Variants in N4BP2 observed in about 807,000 individuals in gnomAD.
N4BP2 encodes the protein NEDD4 binding protein 2.
Under a neutral mutation model 152.8 loss-of-function variants are expected in N4BP2, and 91 were observed. That is an observed-to-expected ratio of 0.60 (90% CI 0.50 to 0.71). The LOEUF is 0.71. Among genes scored for constraint, N4BP2 ranks in the 30% least tolerant of loss-of-function variants. The pLI is 0.00. For missense variants in N4BP2, 1,923 were observed against 2,059.1 expected, an observed-to-expected ratio of 0.93 and a Z score of 1.28; for synonymous variants, 646 against 705.3, an observed-to-expected ratio of 0.92 and a Z score of 1.33.
intron 2 of N4BP2, among the ~76,000 whole-genome samples, chr4:40,094,108 G>A (rs1396797761): frequency 1.3e-5 from 2 of 152,058 alleles, no homozygotes; most frequent in Admixed American, 6.6e-5. Flanking sequence ...AAATTTTTTC[G>A]AGACTTCATC....
chr4:40,174,045 A>G, the N4BP2 span, among the ~76,000 whole-genome samples: 1 of 152,234 alleles, frequency 6.6e-6, no homozygotes, highest in Non-Finnish European at 1.5e-5. Context: ...TGAAGTCTTT[A>G]TTAATCTCAT....
At position 40,103,094 on chromosome 4, in the gene N4BP2, A is replaced by G. The variant is rs756001144; in HGVS notation, c.1249A>G (p.Thr417Ala). 6.1e-5 allele frequency: 99 copies of G among 1,614,130 alleles called. No individual in the cohort carries two copies. The highest frequency in any genetic ancestry group is 8.3e-5 in the Non-Finnish European group (98 of 1,180,056). The change falls in exon 4 of 18, where the codon ACA becomes GCA. Residue 417 changes from threonine to alanine, a missense_variant. By Grantham distance (58) the Thr-to-Ala change is moderately conservative. Transcript: ENST00000261435. ...AAAAGTATGGAGAAATAAAGATGGA[A>G]CAAGTGCTTATCAAGTACAAGAAAC... ...PTKVWRNKDG[T>A]SAYQVQETPV...
At chr4:40,109,497 C>T (rs1812396) in intron 5 of N4BP2, among the ~76,000 whole-genome samples, 26,859 of 152,074 alleles carry the variant, frequency 0.18, 3,084 homozygotes, top group Admixed American at 0.26. Context: ...GCAGATGGAT[C>T]ACCTGAGGTC....
chr4:40,114,560 C>T (rs1168236340), intron 7 of N4BP2, among the ~76,000 whole-genome samples: 1 of 152,204 alleles, frequency 6.6e-6, no homozygotes, highest in Non-Finnish European at 1.5e-5. Flanking sequence ...GTCACTACTT[C>T]CTTTTCATTT....
chr4:40,148,869 C>T (rs932721730), intron 16 of N4BP2, among the ~76,000 whole-genome samples: 20 of 152,062 alleles, frequency 1.3e-4, no homozygotes, highest in Non-Finnish European at 2.6e-4. Context: ...ATCAATTTAT[C>T]CATCGATGGA....
chr4:40,068,257 C>T (rs572121160), intron 1 of N4BP2, among the ~76,000 whole-genome samples: 31 of 152,288 alleles, frequency 2.0e-4, no homozygotes, highest in African/African-American at 6.7e-4. Flanking sequence ...TATTTTCTCT[C>T]ATTCCGTAGG....
At chr4:40,177,517 G>A in the N4BP2 span, among the ~76,000 whole-genome samples, 1 of 152,144 alleles carries the variant, frequency 6.6e-6, no homozygotes, top group Non-Finnish European at 1.5e-5. Flanking sequence ...TCTGGAGGCT[G>A]AGGCAGGAGA....
At chr4:40,182,988 T>TAAATA in the N4BP2 span, among the ~76,000 whole-genome samples, 1 of 152,158 alleles carries the variant, frequency 6.6e-6, no homozygotes, top group African/African-American at 2.4e-5. Context: ...CATTTAATAT[T>TAAATA]TTTTAATATA....
intron 14 of N4BP2, among the ~76,000 whole-genome samples, chr4:40,141,366 C>T (rs1221412279): frequency 4.6e-5 from 7 of 151,654 alleles, no homozygotes; most frequent in African/African-American, 1.5e-4. Flanking sequence ...CCTCACTTCT[C>T]AGACGGGGCA....
intron 2 of N4BP2, among the ~76,000 whole-genome samples, chr4:40,084,980 T>G (rs1426782459): frequency 6.6e-6 from 1 of 150,480 alleles, no homozygotes; most frequent in African/African-American, 2.5e-5. Flanking sequence ...TGGTGCGATT[T>G]CAGCTCACTG....
chr4:40,080,324 A>G (rs945499098), intron 2 of N4BP2, among the ~76,000 whole-genome samples: 2 of 150,718 alleles, frequency 1.3e-5, no homozygotes, highest in African/African-American at 2.4e-5. Context: ...ATATATATAT[A>G]TACACACACA....
At chr4:40,077,696 C>T (rs780345488) in intron 2 of N4BP2, among the ~76,000 whole-genome samples, 2 of 151,576 alleles carry the variant, frequency 1.3e-5, no homozygotes, top group African/African-American at 4.9e-5. Context: ...TCAAGTGATC[C>T]GTCCACTTCA....
chr4:40,161,549 T>G (rs1721860096), downstream of N4BP2, among the ~76,000 whole-genome samples: 1 of 152,186 alleles, frequency 6.6e-6, no homozygotes, highest in Non-Finnish European at 1.5e-5. Flanking sequence ...ACTTGATAAT[T>G]AAAGAACAAT....
At chr4:40,098,388 G>A (rs1474294515) in intron 3 of N4BP2, among the ~76,000 whole-genome samples, 10 of 152,024 alleles carry the variant, frequency 6.6e-5, no homozygotes. Context: ...TTAGTTTTTT[G>A]TTTTTGGTAA....
At chr4:40,066,868 T>G (rs1711573514) in intron 1 of N4BP2, among the ~76,000 whole-genome samples, 1 of 152,128 alleles carries the variant, frequency 6.6e-6, no homozygotes. Flanking sequence ...CATTTTCTCC[T>G]TCCTAGCCAT....
intron 5 of N4BP2, among the ~76,000 whole-genome samples, chr4:40,108,010 G>A (rs1204803026): frequency 6.7e-6 from 1 of 148,532 alleles, no homozygotes; most frequent in East Asian, 2.0e-4. Context: ...TGCAACCTCC[G>A]CCTCCCACGT....
At chr4:40,111,953 T>G in intron 5 of N4BP2, 131 bp from the exon 6 acceptor site, 1 of 565,094 alleles carries the variant, frequency 1.8e-6, no homozygotes. Context: ...CTCAAAGGGA[T>G]ATTTAGAAGT....
Position 40,097,239 on chromosome 4 carries a change from C to A in N4BP2, c.-102C>A. The A allele has an allele frequency of 2.2e-6, 2 of 903,282 alleles. No individual in the cohort carries two copies. Among genetic ancestry groups the A allele is most frequent in the Non-Finnish European group, 1.7e-6 (1 of 572,222 alleles). 56.0% of individuals were successfully genotyped at this position (903,282 alleles called of 1,614,324 possible). On this transcript the variant is annotated 5_prime_UTR_variant, in exon 3 of 18. It adds an upstream start codon to the 5' untranslated region. Transcript: ENST00000261435. ...CTTTCTATTTTAGGTCTTTTTACTGCTGGATTGTGCAAGATATTTAACCCT... is the reference window on the plus strand; with the variant it reads ...CTTTCTATTTTAGGTCTTTTTACTGATGGATTGTGCAAGATATTTAACCCT...
intron 14 of N4BP2, among the ~76,000 whole-genome samples, chr4:40,141,035 C>T (rs958475746): frequency 4.6e-5 from 7 of 151,870 alleles, no homozygotes; most frequent in Admixed American, 2.6e-4. Context: ...CTCTTTTCCC[C>T]ACCTCTCCCC....
Sources: gnomAD v4.1 joint callset for allele counts (sites outside exome capture counted in the v4.1 genomes callset) on GRCh38, gnomAD v4.1.1 for gene constraint, MANE v1.5 for transcripts, NCBI Gene and HGNC (gene_info 2026-07-23, HGNC 2026-07-21) for gene names.